Variants in FRMPD4 observed in about 807,000 individuals in gnomAD.
The protein encoded by FRMPD4 is FERM and PDZ domain-containing protein 4.
In FRMPD4, 22 loss-of-function variants were observed where a neutral mutation model predicts 94.1. That is an observed-to-expected ratio of 0.23 (90% confidence interval 0.17 to 0.33). The LOEUF (loss-of-function observed/expected upper bound fraction) is 0.33. Ranked by LOEUF, FRMPD4 falls within the 10% of genes least tolerant of loss-of-function variation. The probability of loss-of-function intolerance (pLI) is 1.00; values close to 1 mark genes in which losing one functional copy is unlikely to be tolerated. For missense variants in FRMPD4, 1,111 were observed against 1,339.9 expected (o/e 0.83, Z 2.67); for synonymous variants, 631 against 548.6 (o/e 1.15, Z -2.10).
chrX:12,041,738 T>C (rs1159167221), intron 3 of FRMPD4, among the ~76,000 whole-genome samples: 6 of 111,577 alleles, frequency 5.4e-5, no homozygotes, highest in African/African-American at 9.8e-5. Context: ...TTCCTTTTTT[T>C]CTCTTCCTTT....
intron 1 of FRMPD4, among the ~76,000 whole-genome samples, chrX:12,441,431 T>C (rs758707259): frequency 1.3e-4 from 14 of 111,892 alleles, no homozygotes; most frequent in Non-Finnish European, 2.3e-4. Flanking sequence ...CATAATTTAT[T>C]CATTTGTTTG....
chrX:12,331,609 TA>T (rs1311213346), intron 1 of FRMPD4, among the ~76,000 whole-genome samples: 13 of 83,972 alleles, frequency 1.5e-4, no homozygotes, highest in African/African-American at 5.3e-4. Context: ...ATATATAATA[TA>T]ATATATATAT....
intron 4 of FRMPD4, among the ~76,000 whole-genome samples, chrX:12,620,345 G>T (rs1250601448): frequency 8.9e-6 from 1 of 112,341 alleles, no homozygotes; most frequent in East Asian, 2.8e-4. Context: ...GTCCCCAGAA[G>T]CAGGCCTGCG....
intron 1 of FRMPD4, among the ~76,000 whole-genome samples, chrX:12,323,264 T>A (rs768468383): frequency 8.9e-6 from 1 of 111,974 alleles, no homozygotes; most frequent in South Asian, 3.7e-4. Context: ...ACAAGTGTGA[T>A]CAAGCCATCA....
At chrX:12,040,553 CTTTTTTTTTTTT>C (rs760980082) in intron 3 of FRMPD4, among the ~76,000 whole-genome samples, 3 of 58,905 alleles carry the variant, frequency 5.1e-5, no homozygotes, top group Non-Finnish European at 9.0e-5. Context: ...TTATGTCTGC[CTTTTTTTTTTTT>C]TTTTTTTTTT....
intron 4 of FRMPD4, among the ~76,000 whole-genome samples, chrX:12,670,004 A>C (rs1309424671): frequency 8.9e-6 from 1 of 112,519 alleles, no homozygotes; most frequent in Non-Finnish European, 1.9e-5. Flanking sequence ...ATGACTAACA[A>C]GAGTCCTTCT....
chrX:12,283,519 C>G (rs1272598380), intron 1 of FRMPD4, among the ~76,000 whole-genome samples: 2 of 112,209 alleles, frequency 1.8e-5, no homozygotes, highest in African/African-American at 6.5e-5. Context: ...GTCTAACTAT[C>G]ATTTTCTCTA....
At chrX:12,639,512 CAGG>C (rs2059474219) in intron 4 of FRMPD4, among the ~76,000 whole-genome samples, 1 of 112,044 alleles carries the variant, frequency 8.9e-6, no homozygotes, top group African/African-American at 3.2e-5. Context: ...AAGTGAATAG[CAGG>C]CCACTTTTTA....
intron 1 of FRMPD4, among the ~76,000 whole-genome samples, chrX:12,298,011 G>C (rs2054799464): frequency 8.9e-6 from 1 of 111,842 alleles, no homozygotes; most frequent in Admixed American, 9.5e-5. Context: ...TAATAATTAA[G>C]TATGTAGGCC....
chrX:12,112,744 G>A (rs771795607), intron 3 of FRMPD4, among the ~76,000 whole-genome samples: 5 of 110,244 alleles, frequency 4.5e-5, no homozygotes, highest in Non-Finnish European at 7.6e-5. Flanking sequence ...AGTATGTTTC[G>A]ATCCAGTGGT....
chrX:12,532,385 A>G (rs2058294628), intron 2 of FRMPD4, among the ~76,000 whole-genome samples: 1 of 111,688 alleles, frequency 9.0e-6, no homozygotes, highest in African/African-American at 3.3e-5. Flanking sequence ...GACTCTGTGG[A>G]TAGACTTCAG....
intron 3 of FRMPD4, among the ~76,000 whole-genome samples, chrX:12,119,770 A>G (rs2055439280): frequency 8.9e-6 from 1 of 112,515 alleles, no homozygotes; most frequent in Non-Finnish European, 1.9e-5. Flanking sequence ...CATAAACTCA[A>G]CCTTTCATTC....
At chrX:11,890,051 G>A (rs1197073727) in intron 3 of FRMPD4, among the ~76,000 whole-genome samples, 1 of 112,589 alleles carries the variant, frequency 8.9e-6, no homozygotes, top group Non-Finnish European at 1.9e-5. Flanking sequence ...TCTCTTGTTG[G>A]AAGGAGGGAC....
At chrX:11,889,732 A>G (rs2053864119) in intron 3 of FRMPD4, among the ~76,000 whole-genome samples, 1 of 112,050 alleles carries the variant, frequency 8.9e-6, no homozygotes, top group African/African-American at 3.2e-5. Flanking sequence ...TTGTGTAGCT[A>G]CGTAAAGCTG....
chrX:11,954,023 G>A (rs779404980), intron 3 of FRMPD4, among the ~76,000 whole-genome samples: 1 of 112,183 alleles, frequency 8.9e-6, no homozygotes, highest in South Asian at 3.8e-4. Context: ...TTGTCTTCCA[G>A]GCAGTGTATA....
At chrX:12,255,786 T>C (rs1333615317) in intron 1 of FRMPD4, among the ~76,000 whole-genome samples, 2 of 112,060 alleles carry the variant, frequency 1.8e-5, no homozygotes, top group Non-Finnish European at 3.8e-5. Flanking sequence ...TCTCTCTTAC[T>C]TTGGGATTCA....
intron 1 of FRMPD4, among the ~76,000 whole-genome samples, chrX:12,422,227 C>T (rs1039350281): frequency 6.3e-5 from 7 of 111,929 alleles, no homozygotes; most frequent in African/African-American, 1.6e-4. Context: ...CTGGCAAAGA[C>T]GACCATGGTC....
chrX:12,369,118 G>T (rs2056126784), intron 1 of FRMPD4, among the ~76,000 whole-genome samples: 2 of 110,137 alleles, frequency 1.8e-5, no homozygotes, highest in Admixed American at 1.9e-4. Flanking sequence ...TGTATCATTT[G>T]CATTCTCTGA....
intron 1 of FRMPD4, among the ~76,000 whole-genome samples, chrX:11,838,146 A>G (rs2053512324): frequency 8.9e-6 from 1 of 111,819 alleles, no homozygotes; most frequent in Non-Finnish European, 1.9e-5. Context: ...TGCACACATC[A>G]GAACACACCA....
Sources: allele counts gnomAD v4.1 joint callset (sites outside exome capture counted in the v4.1 genomes callset), GRCh38; gene constraint gnomAD v4.1.1; transcripts MANE v1.5; gene names NCBI Gene and HGNC (gene_info 2026-07-23, HGNC 2026-07-21).